The following DYRK1A variants were observed in gnomAD, a reference collection of about 807,000 sequenced individuals.
The protein encoded by DYRK1A is dual specificity tyrosine phosphorylation regulated kinase 1A, also known as dual specificity tyrosine-phosphorylation-regulated kinase 1A.
DYRK1A carries 9 observed loss-of-function variants against 79.7 expected under a neutral mutation model. That is an observed-to-expected ratio of 0.11 (90% confidence interval 0.07 to 0.20). DYRK1A has a LOEUF of 0.20. Ranked by LOEUF, DYRK1A falls within the 10% of genes least tolerant of loss-of-function variation. The probability of loss-of-function intolerance (pLI) is 1.00; values close to 1 mark genes in which losing one functional copy is unlikely to be tolerated. For synonymous variants in DYRK1A, 349 were observed against 329.7 expected (o/e 1.06, Z -0.63); for missense variants, 622 against 956.0 (o/e 0.65, Z 4.61).
chr21:37,409,002 T>TA (rs2050197090), intron 1 of DYRK1A, among the ~76,000 whole-genome samples: 1 of 152,216 alleles, frequency 6.6e-6, no homozygotes, highest in Admixed American at 6.5e-5. Context: ...CAGGGTCATG[T>TA]CTATAGGTGT....
chr21:37,500,220 G>GT (rs543656696), intron 9 of DYRK1A, among the ~76,000 whole-genome samples: 96 of 152,174 alleles, frequency 6.3e-4, no homozygotes, highest in African/African-American at 1.9e-3. Context: ...ATATTGTCAT[G>GT]TTTTTTCTGC....
In DYRK1A at chr21:37,521,977, G is replaced by A. The variant is rs2053937977; in HGVS notation, c.*9446G>A. 1 of 152,272 alleles carries A rather than the reference G, an allele frequency of 6.6e-6. No homozygotes were observed. The highest frequency in any genetic ancestry group is 2.1e-4 in the South Asian group (1 of 4,820). 9.4% of individuals were successfully genotyped at this position (152,272 alleles called of 1,614,324 possible). A position where few individuals can be genotyped will look rare whatever the true frequency, so the allele number is the denominator to read the frequency against. On this transcript the variant is annotated 3_prime_UTR_variant, in exon 12 of 12. Transcript: ENST00000647188. ...TGGAGGAGGGGAAAGTCGGGCCTGG[G>A]AATGGCCAATTTCTGGTCATTCTCA...
intron 2 of DYRK1A, among the ~76,000 whole-genome samples, chr21:37,436,000 A>AT (rs1338044280): frequency 6.6e-6 from 1 of 151,986 alleles, no homozygotes; most frequent in Non-Finnish European, 1.5e-5. Context: ...AGAAAAAAAA[A>AT]TCAGTTCTTT....
Position 37,486,623 on chromosome 21 carries a change from A to G in DYRK1A, c.637+9A>G. On this transcript the variant is annotated intron_variant, in intron 6 of 11. Coordinates refer to ENST00000647188, the MANE Select transcript of DYRK1A (RefSeq NM_001347721.2). ...AATGAAATACTACATAGGTAAACAAACAGGCAAACAGCGCAGTGTGCCCCA... is the reference window on the plus strand; with the variant it reads ...AATGAAATACTACATAGGTAAACAAGCAGGCAAACAGCGCAGTGTGCCCCA... 1 of 1,539,336 alleles carries G rather than the reference A, an allele frequency of 6.5e-7. No individual in the cohort carries two copies. Among genetic ancestry groups the G allele is most frequent in the Non-Finnish European group, 8.7e-7 (1 of 1,143,674 alleles).
intron 2 of DYRK1A, among the ~76,000 whole-genome samples, chr21:37,452,360 T>TGGTGG (rs1249560058): frequency 3.1e-5 from 4 of 129,756 alleles, no homozygotes; most frequent in African/African-American, 1.1e-4. Flanking sequence ...GGGATTGAGG[T>TGGTGG]AAAGGGGGTG....
intron 1 of DYRK1A, among the ~76,000 whole-genome samples, chr21:37,409,726 A>G (rs1388882969): frequency 3.3e-5 from 5 of 152,180 alleles, no homozygotes; most frequent in African/African-American, 4.8e-5. Context: ...AAAGATATTC[A>G]TTATGAATAA....
At chr21:37,491,184 T>G (rs2148615267) in intron 7 of DYRK1A, among the ~76,000 whole-genome samples, 1 of 152,294 alleles carries the variant, frequency 6.6e-6, no homozygotes, top group African/African-American at 2.4e-5. Flanking sequence ...ACAGATGTGT[T>G]CGTAGTGCTG....
At chr21:37,429,848 C>T (rs932169452) in intron 2 of DYRK1A, among the ~76,000 whole-genome samples, 21 of 152,238 alleles carry the variant, frequency 1.4e-4, no homozygotes, top group African/African-American at 4.3e-4. Flanking sequence ...CTCGTTTCCA[C>T]TTACAGGGGT....
intron 5 of DYRK1A, 56 bp downstream of exon 5, chr21:37,480,882 C>A: frequency 7.0e-7 from 1 of 1,425,864 alleles, no homozygotes; most frequent in Non-Finnish European, 9.5e-7. Flanking sequence ...CTTAGTGAAT[C>A]TTGTTGTTAA....
intron 9 of DYRK1A, chr21:37,502,736 GTAT>G (rs915998031): frequency 4.6e-5 from 7 of 151,910 alleles, no homozygotes; most frequent in Non-Finnish European, 1.0e-4. Context: ...CTTCCATCTG[GTAT>G]TATTTCTTCA....
intron 6 of DYRK1A, among the ~76,000 whole-genome samples, chr21:37,489,722 A>G (rs967030935): frequency 1.3e-5 from 2 of 152,128 alleles, no homozygotes; most frequent in Admixed American, 6.6e-5. Context: ...TTCAAAGCCT[A>G]CACAGAGGGC....
At chr21:37,432,121 AAGTATATTTAGTATATGAC>A (rs1313917505) in intron 2 of DYRK1A, among the ~76,000 whole-genome samples, 14 of 152,280 alleles carry the variant, frequency 9.2e-5, no homozygotes, top group Admixed American at 3.3e-4. Flanking sequence ...GAGGGAGCAA[AAGTATATTTAGTATATGAC>A]AGTATACTGT....
chr21:37,417,998 T>A (rs578178572), intron 1 of DYRK1A, among the ~76,000 whole-genome samples: 137 of 152,224 alleles, frequency 9.0e-4, no homozygotes, highest in Middle Eastern at 3.4e-3. Flanking sequence ...CTCAAAAAAA[T>A]GAAAATATGA....
At chr21:37,493,192 G>T in intron 8 of DYRK1A, 29 bp downstream of exon 8, 1 of 1,557,716 alleles carries the variant, frequency 6.4e-7, no homozygotes, top group Admixed American at 1.8e-5. Flanking sequence ...TACAAATTCT[G>T]TTTTCATAAT....
chr21:37,379,647 T>G (rs1045089422), intron 1 of DYRK1A, among the ~76,000 whole-genome samples: 19 of 152,230 alleles, frequency 1.2e-4, no homozygotes, highest in African/African-American at 3.6e-4. Flanking sequence ...AGGGCAATGT[T>G]TGAAGCTGTG....
At chr21:37,511,805 C>A (rs1226610603) in intron 11 of DYRK1A, 106 bp from the exon 12 acceptor site, 1 of 1,325,716 alleles carries the variant, frequency 7.5e-7, no homozygotes. Context: ...AAACCGTTTC[C>A]CCCTGATTAA....
chr21:37,503,526 GTTC>G (rs1159667313), intron 9 of DYRK1A: 1 of 152,130 alleles, frequency 6.6e-6, no homozygotes, highest in Non-Finnish European at 1.5e-5. Flanking sequence ...GGCTCAAGCA[GTTC>G]TTCTACCTCA....
chr21:37,403,011 C>G (rs186958900), intron 1 of DYRK1A, among the ~76,000 whole-genome samples: 1 of 152,082 alleles, frequency 6.6e-6, no homozygotes, highest in South Asian at 2.1e-4. Flanking sequence ...TGATCTGCCC[C>G]CCCTCAGCCT....
At chr21:37,375,401 C>T (rs375852636) in intron 1 of DYRK1A, among the ~76,000 whole-genome samples, 2 of 151,398 alleles carry the variant, frequency 1.3e-5, no homozygotes, top group African/African-American at 2.4e-5. Context: ...CAAATTACTA[C>T]TTTCCTTTTA....
Sources: gnomAD v4.1 joint callset for allele counts (sites outside exome capture counted in the v4.1 genomes callset) on GRCh38, gnomAD v4.1.1 for gene constraint, MANE v1.5 for transcripts, NCBI Gene and HGNC (gene_info 2026-07-23, HGNC 2026-07-21) for gene names.